PRKN: variants seen among roughly 807,000 people sequenced by gnomAD.
PRKN encodes parkin RBR E3 ubiquitin protein ligase.
A neutral mutation model predicts 59.5 loss-of-function variants in PRKN; 56 were observed. The ratio of observed to expected loss-of-function variants is 0.94; its 90% CI spans 0.76 to 1.18. PRKN has a LOEUF of 1.18. PRKN is among the 50% of genes most tolerant of loss of function. The pLI is 0.00. For synonymous variants in PRKN, 250 were observed against 222.1 expected (o/e 1.13, Z -1.12); for missense variants, 657 against 596.4 (o/e 1.10, Z -1.06).
chr6:162,387,573 G>C (rs866503183), intron 2 of PRKN, among the ~76,000 whole-genome samples: 1,963 of 144,038 alleles, frequency 0.014, 68 homozygotes, highest in Admixed American at 0.077. Flanking sequence ...GAGAGAGAGA[G>C]AGAGAGAGAG....
chr6:162,455,743 C>T (rs976775253), intron 1 of PRKN, among the ~76,000 whole-genome samples: 5 of 151,946 alleles, frequency 3.3e-5, no homozygotes, highest in African/African-American at 1.2e-4. Context: ...GAATATGCAG[C>T]TCCAAGGTTT....
chr6:162,036,112 C>T (rs1055499972), intron 5 of PRKN, among the ~76,000 whole-genome samples: 2 of 151,898 alleles, frequency 1.3e-5, no homozygotes, highest in African/African-American at 2.4e-5. Context: ...ATCACGAGGT[C>T]AGGAGATAGA....
intron 3 of PRKN, among the ~76,000 whole-genome samples, chr6:162,232,686 AAGGTCTTT>A (rs1778473610): frequency 6.6e-6 from 1 of 152,064 alleles, no homozygotes; most frequent in Non-Finnish European, 1.5e-5. Flanking sequence ...GACTTTATTC[AAGGTCTTT>A]AGATCACAGG....
chr6:162,429,155 G>A (rs1001576001), intron 2 of PRKN, among the ~76,000 whole-genome samples: 5 of 152,140 alleles, frequency 3.3e-5, no homozygotes, highest in South Asian at 4.2e-4. Flanking sequence ...TTTATTTTTC[G>A]CATGTTACAA....
intron 6 of PRKN, among the ~76,000 whole-genome samples, chr6:161,874,739 A>C (rs1329195177): frequency 8.7e-6 from 1 of 114,990 alleles, no homozygotes; most frequent in Non-Finnish European, 1.6e-5. Flanking sequence ...AATGTACTAT[A>C]TATAAAATAT....
In PRKN at chr6:162,727,743, A is replaced by G. The variant is rs751054800; in HGVS notation, c.-75T>C. The G allele has an allele frequency of 2.7e-5, 40 of 1,472,848 alleles. No individual in the cohort carries two copies. The highest frequency in any genetic ancestry group is 3.2e-5 in the Non-Finnish European group (35 of 1,077,416). The allele number at this position is 1,472,848 out of a possible 1,614,324, so 91.2% of individuals were successfully genotyped here. A position where few individuals can be genotyped will look rare whatever the true frequency, so the allele number is the denominator to read the frequency against. On this transcript the variant is annotated 5_prime_UTR_variant, in exon 1 of 12. Transcript: ENST00000366898. ...AGCGGCGCCAGCCGCGCCTCCCACC[A>G]GCGGCTCTCCTGGGTTAAATCCTCC...
rs1391185526 is a variant in PRKN at position 161,419,392 on chromosome 6, CTTCT to C, written c.1084-32519_1084-32516del. Among the ~76,000 whole-genome samples, 249 of 64,752 alleles carry C rather than the reference CTTCT, an allele frequency of 3.8e-3. 1 individual carries two copies. The highest frequency in any genetic ancestry group is 4.2e-3 in the Non-Finnish European group (131 of 30,968). 42.5% of individuals were successfully genotyped at this position (64,752 alleles called of 152,430 possible). A position where few individuals can be genotyped will look rare whatever the true frequency, so the allele number is the denominator to read the frequency against. ...GGCCTTTCCTTTTTTCTTTTTTCTT[CTTCT>C]TTTTTTTTTTAAATGGAGTCTCGCT... On this transcript the variant is annotated intron_variant, in intron 9 of 11. Transcript: ENST00000366898. This position sits in a 1 kb window ranked among gnomAD's most constrained non-coding sequence, Gnocchi z 4.1.
intron 7 of PRKN, among the ~76,000 whole-genome samples, chr6:161,759,394 T>C (rs893663069): frequency 2.0e-5 from 3 of 152,058 alleles, no homozygotes; most frequent in East Asian, 1.9e-4. Context: ...TTTAAAGGTG[T>C]TTTTCTGAAT....
chr6:162,615,788 G>A (rs956718450), intron 1 of PRKN, among the ~76,000 whole-genome samples: 2 of 152,178 alleles, frequency 1.3e-5, no homozygotes, highest in African/African-American at 4.8e-5. Context: ...GACGAAGAAC[G>A]ACTTGCAAAA....
chr6:162,525,104 G>A (rs1778227258), intron 1 of PRKN, among the ~76,000 whole-genome samples: 1 of 152,044 alleles, frequency 6.6e-6, no homozygotes, highest in Admixed American at 6.6e-5. Context: ...CACCTGAGTG[G>A]GAGGCCCCAG....
At chr6:161,842,620 A>G (rs975285192) in intron 6 of PRKN, among the ~76,000 whole-genome samples, 4 of 151,708 alleles carry the variant, frequency 2.6e-5, no homozygotes, top group Admixed American at 6.6e-5. Flanking sequence ...GCTGGAGTGC[A>G]ATGGCACGAT....
At chr6:162,141,221 C>A (rs897921886) in intron 4 of PRKN, among the ~76,000 whole-genome samples, 15 of 152,212 alleles carry the variant, frequency 9.9e-5, no homozygotes, top group Non-Finnish European at 2.2e-4. Flanking sequence ...AGCATACTCA[C>A]GTTTTTGTAA....
chr6:161,803,913 C>T (rs1301697380), intron 6 of PRKN, among the ~76,000 whole-genome samples: 4 of 152,146 alleles, frequency 2.6e-5, no homozygotes, highest in Non-Finnish European at 5.9e-5. Flanking sequence ...GGTACTATTT[C>T]GCTAAAAGGA....
In PRKN at chr6:162,334,483, T is replaced by C. The variant is rs9365402; in HGVS notation, c.172-71718A>G. ...AAAACAGCCTATATGCCAGCACATC[T>C]GTTTACAGTGTGTTTTACCGAATAT... On this transcript the variant is annotated intron_variant, in intron 2 of 11. Coordinates refer to ENST00000366898, the MANE Select transcript of PRKN (RefSeq NM_004562.3). Among the ~76,000 whole-genome samples the C allele has an allele frequency of 3.3e-5, 5 of 152,224 alleles. 1 individual carries two copies. Among genetic ancestry groups the C allele is most frequent in the South Asian group, 4.1e-4 (2 of 4,828 alleles).
chr6:162,110,005 T>C (rs1359156299), intron 4 of PRKN, among the ~76,000 whole-genome samples: 1 of 152,240 alleles, frequency 6.6e-6, no homozygotes, highest in Non-Finnish European at 1.5e-5. Context: ...ATAAATCCTG[T>C]GTTTTACTTA....
chr6:161,358,699 C>T (rs1021263250), intron 11 of PRKN, among the ~76,000 whole-genome samples: 26 of 151,908 alleles, frequency 1.7e-4, no homozygotes, highest in African/African-American at 6.3e-4. Flanking sequence ...AGGGCCCTTC[C>T]GTGTTCTTTC....
intron 6 of PRKN, among the ~76,000 whole-genome samples, chr6:161,886,685 G>A (rs780729652): frequency 5.7e-5 from 8 of 139,830 alleles, no homozygotes; most frequent in Non-Finnish European, 1.1e-4. Context: ...CAACAAGAGC[G>A]AAACTTGTTC....
intron 7 of PRKN, among the ~76,000 whole-genome samples, chr6:161,701,621 A>T (rs1786254229): frequency 6.6e-6 from 1 of 152,210 alleles, no homozygotes; most frequent in South Asian, 2.1e-4. Context: ...AATGCCAGAC[A>T]ATCAATTAAA....
At chr6:162,699,709 T>C (rs1584073640) in intron 1 of PRKN, among the ~76,000 whole-genome samples, 1 of 152,092 alleles carries the variant, frequency 6.6e-6, no homozygotes. Context: ...CCCCAAAATA[T>C]GGTGCTTTGG....
Sources: gnomAD v4.1 joint callset for allele counts (sites outside exome capture counted in the v4.1 genomes callset) on GRCh38, gnomAD v4.1.1 for gene constraint, Gnocchi (gnomAD v3.1) non-coding constraint, MANE v1.5 for transcripts, NCBI Gene and HGNC (gene_info 2026-07-23, HGNC 2026-07-21) for gene names.